The following OXSR1 variants were observed in gnomAD, a reference collection of about 807,000 sequenced individuals.
OXSR1 encodes serine/threonine-protein kinase OSR1.
OXSR1 carries 24 observed loss-of-function variants against 79.8 expected under a neutral mutation model. The ratio of observed to expected loss-of-function variants is 0.30; its 90% CI spans 0.22 to 0.42. The LOEUF (loss-of-function observed/expected upper bound fraction) is 0.42, where lower values mean the gene tolerates loss of function less well. Ranked by LOEUF, OXSR1 falls within the 10% of genes least tolerant of loss-of-function variation. OXSR1 has a pLI of 1.00. For synonymous variants in OXSR1, 226 were observed against 209.2 expected, an observed-to-expected ratio of 1.08 and a Z score of -0.69; for missense variants, 430 against 618.4, an observed-to-expected ratio of 0.70 and a Z score of 3.23.
chr3:38,215,129 T>G (rs982030916), intron 4 of OXSR1, among the ~76,000 whole-genome samples: 8 of 152,198 alleles, frequency 5.3e-5, no homozygotes, highest in Non-Finnish European at 1.0e-4. Context: ...GAAAGGGGTG[T>G]GTTTGTGCAA....
intron 2 of OXSR1, among the ~76,000 whole-genome samples, chr3:38,184,065 A>G (rs1385607948): frequency 6.6e-6 from 1 of 152,218 alleles, no homozygotes; most frequent in East Asian, 1.9e-4. Context: ...AAGAGCATAT[A>G]CAGCTAGTGC....
chr3:38,201,591 T>C (rs1702165395), intron 4 of OXSR1, among the ~76,000 whole-genome samples: 1 of 152,132 alleles, frequency 6.6e-6, no homozygotes, highest in Admixed American at 6.5e-5. Context: ...GTGCCTGTAG[T>C]CCTAGCTACT....
Position 38,249,995 on chromosome 3 carries a change from G to A in OXSR1, c.1352G>A (p.Arg451Gln), listed in dbSNP as rs1296423815. Reference sequence around the variant, plus strand: ...TCCAAAAAAGAACTAAATGATATTCGATTTGAATTTACTCCTGGGAGAGGT... The same window carrying A: ...TCCAAAAAAGAACTAAATGATATTCAATTTGAATTTACTCCTGGGAGAGGT... ...RNSKKELNDIRFEFTPGRDTA... is the reference protein window; with the variant it reads ...RNSKKELNDIQFEFTPGRDTA... Residue 451 changes from arginine (R) to glutamine (Q), a missense_variant, in exon 15 of 18, where the codon CGA (arginine) becomes CAA (glutamine). Coordinates refer to ENST00000311806, the MANE Select transcript of OXSR1 (RefSeq NM_005109.3). 4 of 1,593,284 alleles carry A rather than the reference G, an allele frequency of 2.5e-6. No homozygotes were observed. Among genetic ancestry groups the A allele is most frequent in the Admixed American group, 1.7e-5 (1 of 59,124 alleles).
At chr3:38,252,787 T>C (rs1703285035) in intron 17 of OXSR1, 30 bp from the exon 18 acceptor site, 1 of 1,565,062 alleles carries the variant, frequency 6.4e-7, no homozygotes, top group South Asian at 1.1e-5. Context: ...TTATAAATAA[T>C]CACAGTTTCT....
chr3:38,247,620 C>G, intron 13 of OXSR1, 48 bp from the exon 14 acceptor site: 1 of 1,340,988 alleles, frequency 7.5e-7, no homozygotes, highest in Non-Finnish European at 1.1e-6. Flanking sequence ...AGTCACCTCC[C>G]CACTTAATGT....
At chr3:38,199,207 T>C (rs182763089) in intron 4 of OXSR1, among the ~76,000 whole-genome samples, 1 of 152,242 alleles carries the variant, frequency 6.6e-6, no homozygotes, top group East Asian at 1.9e-4. Context: ...CATTATATTT[T>C]CAGTATTTCC....
At chr3:38,194,622 G>A (rs1209022803) in intron 3 of OXSR1, among the ~76,000 whole-genome samples, 1 of 152,154 alleles carries the variant, frequency 6.6e-6, no homozygotes, top group African/African-American at 2.4e-5. Flanking sequence ...GATGGGAGAT[G>A]TGATCCAGCT....
At chr3:38,187,214 A>G (rs1311898403) in intron 2 of OXSR1, among the ~76,000 whole-genome samples, 2 of 152,228 alleles carry the variant, frequency 1.3e-5, no homozygotes, top group Non-Finnish European at 2.9e-5. Context: ...AAACATTTTC[A>G]TATTATATAG....
chr3:38,194,334 T>C lies in OXSR1; in HGVS notation c.292+3495T>C, dbSNP rs1702035658. On this transcript the variant is annotated intron_variant, in intron 3 of 17. Coordinates refer to ENST00000311806, the MANE Select transcript of OXSR1 (RefSeq NM_005109.3). ...GGAGGCTGAGGCGGAAGGATTGCTTTAGGCCAGGAGTTCAACAGCCCAGCC... is the reference window on the plus strand; with the variant it reads ...GGAGGCTGAGGCGGAAGGATTGCTTCAGGCCAGGAGTTCAACAGCCCAGCC... Among the ~76,000 whole-genome samples, 4 of 152,076 alleles carry C rather than the reference T, an allele frequency of 2.6e-5. No individual in the cohort carries two copies. In the South Asian group the frequency reaches 8.3e-4, roughly 31 times the overall value.
intron 12 of OXSR1, 116 bp downstream of exon 12, chr3:38,242,894 C>G: frequency 2.0e-6 from 1 of 512,678 alleles, no homozygotes; most frequent in Non-Finnish European, 3.5e-6. Context: ...CAACTTTATA[C>G]CAATCGAATT....
At chr3:38,201,843 A>C (rs1356692745) in intron 4 of OXSR1, among the ~76,000 whole-genome samples, 1 of 152,190 alleles carries the variant, frequency 6.6e-6, no homozygotes, top group Non-Finnish European at 1.5e-5. Context: ...CAGCCTGGGC[A>C]ACAGAGCAAG....
intron 4 of OXSR1, among the ~76,000 whole-genome samples, chr3:38,200,428 T>C (rs1702144505): frequency 6.6e-6 from 1 of 152,192 alleles, no homozygotes; most frequent in African/African-American, 2.4e-5. Flanking sequence ...ATGTTGTCCT[T>C]CAAGTTCTGA....
intron 4 of OXSR1, among the ~76,000 whole-genome samples, chr3:38,209,003 C>T: frequency 6.6e-6 from 1 of 152,054 alleles, no homozygotes; most frequent in Non-Finnish European, 1.5e-5. Flanking sequence ...CGCGTGCGCG[C>T]ATGTGCATGT....
intron 3 of OXSR1, among the ~76,000 whole-genome samples, chr3:38,194,697 G>T (rs767278171): frequency 5.9e-5 from 9 of 152,196 alleles, no homozygotes; most frequent in Admixed American, 3.9e-4. Context: ...AGAACTGACA[G>T]ATTCACAGCT....
In OXSR1 at chr3:38,224,609, G is replaced by A. The variant is rs1702654072; in HGVS notation, c.741G>A (p.Leu247=). The A allele has an allele frequency of 6.3e-7, 1 of 1,592,758 alleles. No individual in the cohort carries two copies. Among genetic ancestry groups the A allele is most frequent in the East Asian group, 2.3e-5 (1 of 43,652 alleles). ...CACTGCAGAACGATCCTCCTTCTTTGGAAACTGGTGTTCAAGATAAAGAAA... is the reference window on the plus strand; with the variant it reads ...CACTGCAGAACGATCCTCCTTCTTTAGAAACTGGTGTTCAAGATAAAGAAA... ...MLTLQNDPPS[L]ETGVQDKEML... is the part of the protein sequence containing the mutation. The change falls in exon 8 of 18, where the codon TTG becomes TTA. Residue 247 remains leucine (L), a synonymous_variant. Coordinates refer to ENST00000311806, the MANE Select transcript of OXSR1 (RefSeq NM_005109.3).
At chr3:38,227,455 G>T (rs1210114921) in intron 8 of OXSR1, among the ~76,000 whole-genome samples, 3 of 151,226 alleles carry the variant, frequency 2.0e-5, no homozygotes, top group Non-Finnish European at 4.4e-5. Context: ...TCAGAATGTG[G>T]CACAGAAAGA....
At position 38,254,041 on chromosome 3, in the gene OXSR1, T is replaced by C. The variant is rs1019772794; in HGVS notation, c.*1150T>C. The C allele has an allele frequency of 2.5e-6, 1 of 396,562 alleles. No individual in the cohort carries two copies. Among genetic ancestry groups the C allele is most frequent in the African/African-American group, 2.1e-5 (1 of 48,570 alleles). 24.6% of individuals were successfully genotyped at this position (396,562 alleles called of 1,614,324 possible). On this transcript the variant is annotated 3_prime_UTR_variant, in exon 18 of 18. Transcript: ENST00000311806. ...CTTTAGGTTTAAAAAAGAGCACTCATAATGCAATATGTGAATAATCAGTGA... is the reference window on the plus strand; with the variant it reads ...CTTTAGGTTTAAAAAAGAGCACTCACAATGCAATATGTGAATAATCAGTGA...
intron 4 of OXSR1, among the ~76,000 whole-genome samples, chr3:38,203,640 CA>C (rs1702211379): frequency 6.6e-6 from 1 of 152,118 alleles, no homozygotes; most frequent in Admixed American, 6.5e-5. Flanking sequence ...CTCTGATTAC[CA>C]GGCAGAGACT....
At chr3:38,227,551 A>C (rs1370318003) in intron 8 of OXSR1, among the ~76,000 whole-genome samples, 1 of 128,174 alleles carries the variant, frequency 7.8e-6, no homozygotes, top group Non-Finnish European at 1.6e-5. Flanking sequence ...ACATCCACAC[A>C]CACACACACA....
Sources: gnomAD v4.1 joint callset for allele counts (sites outside exome capture counted in the v4.1 genomes callset) on GRCh38, gnomAD v4.1.1 for gene constraint, MANE v1.5 for transcripts, NCBI Gene and HGNC (gene_info 2026-07-23, HGNC 2026-07-21) for gene names.